Variants in LDLRAD4 observed in about 807,000 individuals in gnomAD.
LDLRAD4 encodes low density lipoprotein receptor class A domain containing 4, also known as low-density lipoprotein receptor class A domain-containing protein 4.
Under a neutral mutation model 17.0 loss-of-function variants are expected in LDLRAD4, and 5 were observed. The observed-to-expected ratio is 0.29, with a 90% CI of 0.15 to 0.62. The LOEUF (loss-of-function observed/expected upper bound fraction) is 0.62, where lower values mean the gene tolerates loss of function less well. Ranked by LOEUF, LDLRAD4 falls within the 20% of genes least tolerant of loss-of-function variation. The pLI is 0.84. For missense variants in LDLRAD4, 340 were observed against 424.7 expected (o/e 0.80, Z 1.75); for synonymous variants, 168 against 171.8 (o/e 0.98, Z 0.17).
At chr18:13,449,815 G>A (rs1270810701) in intron 3 of LDLRAD4, among the ~76,000 whole-genome samples, 1 of 152,212 alleles carries the variant, frequency 6.6e-6, no homozygotes, top group Non-Finnish European at 1.5e-5. Context: ...CAGGTAGGGT[G>A]TACCGCCGCA....
chr18:13,354,247 A>G (rs2083208930), intron 1 of LDLRAD4, among the ~76,000 whole-genome samples: 1 of 152,212 alleles, frequency 6.6e-6, no homozygotes, highest in East Asian at 1.9e-4. Flanking sequence ...AAAGCTTAGC[A>G]TTTAATTTTT....
chr18:13,257,512 C>T (rs1292794670), intron 1 of LDLRAD4, among the ~76,000 whole-genome samples: 1 of 152,222 alleles, frequency 6.6e-6, no homozygotes, highest in East Asian at 1.9e-4. Context: ...TGCCCTGCCC[C>T]ATCCATGCTG....
In LDLRAD4 at chr18:13,455,244, G is replaced by A. The variant is rs943558038; in HGVS notation, c.181+16860G>A. 1.3e-4 allele frequency among the ~76,000 whole-genome samples: 20 copies of A among 152,260 alleles called. No individual in the cohort carries two copies. In the South Asian group the frequency reaches 4.1e-3, roughly 32 times the overall value. On this transcript the variant is annotated intron_variant, in intron 3 of 5. Transcript: ENST00000359446. ...GCCTGGGGTTTCCAGGCTTTTTGGG[G>A]GCTTATGCAAATATTGCAGACCTGA... is the stretch of plus-strand genomic sequence containing the variant.
chr18:13,618,183 T>C (rs2040260672), intron 3 of LDLRAD4, among the ~76,000 whole-genome samples: 2 of 152,228 alleles, frequency 1.3e-5, no homozygotes, highest in African/African-American at 4.8e-5. Context: ...GTCTGTGATG[T>C]ATTAAGTGAA....
At chr18:13,389,798 A>T (rs2086128660) in intron 2 of LDLRAD4, among the ~76,000 whole-genome samples, 1 of 151,972 alleles carries the variant, frequency 6.6e-6, no homozygotes, top group African/African-American at 2.4e-5. Context: ...GGAAAGGCCA[A>T]ACTGAGGCTC....
chr18:13,320,178 C>T (rs1273634811), intron 1 of LDLRAD4, among the ~76,000 whole-genome samples: 1 of 152,138 alleles, frequency 6.6e-6, no homozygotes, highest in African/African-American at 2.4e-5. Flanking sequence ...TTTCTGTTTA[C>T]AAGAGAGAAT....
At chr18:13,294,205 G>A (rs2046136686) in intron 1 of LDLRAD4, among the ~76,000 whole-genome samples, 1 of 152,210 alleles carries the variant, frequency 6.6e-6, no homozygotes, top group Admixed American at 6.5e-5. Flanking sequence ...GTTTAACTCT[G>A]TAAAGTAAGC....
At chr18:13,263,790 G>A (rs1220989829) in intron 1 of LDLRAD4, among the ~76,000 whole-genome samples, 1 of 152,202 alleles carries the variant, frequency 6.6e-6, no homozygotes, top group African/African-American at 2.4e-5. Flanking sequence ...TAAAGTGAGG[G>A]AGTCGAGCTT....
intron 1 of LDLRAD4, among the ~76,000 whole-genome samples, chr18:13,349,915 T>C (rs2082941944): frequency 6.6e-6 from 1 of 152,152 alleles, no homozygotes; most frequent in Non-Finnish European, 1.5e-5. Flanking sequence ...TAGTTTGCTG[T>C]GGATGATGGC....
chr18:13,538,006 G>A (rs1296017339), intron 3 of LDLRAD4, among the ~76,000 whole-genome samples: 1 of 151,954 alleles, frequency 6.6e-6, no homozygotes, highest in East Asian at 1.9e-4. Context: ...TTTAATATTT[G>A]TAGGATCTGT....
At chr18:13,563,701 A>G (rs2094564119) in intron 3 of LDLRAD4, among the ~76,000 whole-genome samples, 1 of 152,120 alleles carries the variant, frequency 6.6e-6, no homozygotes, top group African/African-American at 2.4e-5. Flanking sequence ...CGTCCTTCTC[A>G]TACATCAATA....
chr18:13,610,305 T>TTTTTTTTTTTTTTTTTTTTC lies in LDLRAD4; in HGVS notation c.182-10812_182-10811insTTTTTTTTTTTTTTTTTTTC, dbSNP rs1491536129. Among the ~76,000 whole-genome samples the TTTTTTTTTTTTTTTTTTTTC allele has an allele frequency of 2.3e-3, 56 of 24,362 alleles. 15 individuals carry two copies. The highest frequency in any genetic ancestry group is 3.8e-3 in the Non-Finnish European group (44 of 11,544). 16.0% of individuals were successfully genotyped at this position (24,362 alleles called of 152,430 possible). A position where few individuals can be genotyped will look rare whatever the true frequency, so the allele number is the denominator to read the frequency against. ...TTTTTTTTTTTTTTTTTTTTTTTTT[T>TTTTTTTTTTTTTTTTTTTTC]GAGACGGAGTCTCACTCTGTCGCCC... On this transcript the variant is annotated intron_variant, in intron 3 of 5. Coordinates refer to ENST00000359446, the Ensembl canonical transcript of LDLRAD4.
chr18:13,432,142 G>T (rs1040940668), intron 2 of LDLRAD4, among the ~76,000 whole-genome samples: 1 of 152,204 alleles, frequency 6.6e-6, no homozygotes, highest in Non-Finnish European at 1.5e-5. Flanking sequence ...TTCCCCAGGG[G>T]AGTGAGTGCG....
At chr18:13,525,908 A>G (rs1228211760) in intron 3 of LDLRAD4, among the ~76,000 whole-genome samples, 1 of 152,192 alleles carries the variant, frequency 6.6e-6, no homozygotes, top group East Asian at 1.9e-4. Context: ...CTCTTCTCCA[A>G]AGGATATCTT....
chr18:13,322,344 G>T (rs1266130185), intron 1 of LDLRAD4, among the ~76,000 whole-genome samples: 2 of 129,152 alleles, frequency 1.5e-5, no homozygotes, highest in East Asian at 2.3e-4. Flanking sequence ...CTGTCTCCCA[G>T]GCTGGAGCGC....
At chr18:13,348,386 G>A (rs534643957) in intron 1 of LDLRAD4, among the ~76,000 whole-genome samples, 4 of 152,276 alleles carry the variant, frequency 2.6e-5, no homozygotes, top group African/African-American at 9.6e-5. Flanking sequence ...GCAGAACAGT[G>A]AATATTGGTG....
intron 3 of LDLRAD4, among the ~76,000 whole-genome samples, chr18:13,447,721 G>T (rs2091511825): frequency 6.6e-6 from 1 of 152,232 alleles, no homozygotes; most frequent in African/African-American, 2.4e-5. Context: ...TTCAGTGTCA[G>T]ATTCCTGCTT....
intron 1 of LDLRAD4, among the ~76,000 whole-genome samples, chr18:13,287,437 G>A: frequency 6.6e-6 from 1 of 152,330 alleles, no homozygotes. Context: ...AAACAGTAAG[G>A]TTGAAATGAG....
chr18:13,518,390 T>G (rs2093902826), intron 3 of LDLRAD4, among the ~76,000 whole-genome samples: 1 of 152,250 alleles, frequency 6.6e-6, no homozygotes, highest in African/African-American at 2.4e-5. Context: ...GTATCTGTTC[T>G]TTTCAAATGG....
Sources: allele counts gnomAD v4.1 joint callset (sites outside exome capture counted in the v4.1 genomes callset), GRCh38; gene constraint gnomAD v4.1.1; transcripts MANE v1.5; gene names NCBI Gene and HGNC (gene_info 2026-07-23, HGNC 2026-07-21).